The following PAN3 variants were observed in gnomAD, a reference collection of about 807,000 sequenced individuals.
PAN3 encodes the protein PAN2-PAN3 deadenylation complex subunit PAN3.
A neutral mutation model predicts 96.2 loss-of-function variants in PAN3; 19 were observed. The ratio of observed to expected loss-of-function variants is 0.20; its 90% CI spans 0.14 to 0.29. PAN3 has a LOEUF of 0.29. Among genes scored for constraint, PAN3 ranks in the 10% least tolerant of loss-of-function variants. The pLI is 1.00. For missense variants in PAN3, 882 were observed against 1,108.1 expected, an observed-to-expected ratio of 0.80 and a Z score of 2.90; for synonymous variants, 433 against 406.6, an observed-to-expected ratio of 1.06 and a Z score of -0.78.
At chr13:28,189,546 ACT>A (rs1566171021) in intron 4 of PAN3, among the ~76,000 whole-genome samples, 2 of 151,204 alleles carry the variant, frequency 1.3e-5, no homozygotes, top group African/African-American at 4.9e-5. Flanking sequence ...AAACAAAAAA[ACT>A]CTCAGTGTTA....
intron 9 of PAN3, among the ~76,000 whole-genome samples, chr13:28,263,855 T>C (rs1306378858): frequency 6.6e-6 from 1 of 152,164 alleles, no homozygotes; most frequent in Non-Finnish European, 1.5e-5. Context: ...TATTTAAAAT[T>C]TTTTTGTCAC....
At chr13:28,185,759 C>T (rs1202180951) in intron 4 of PAN3, among the ~76,000 whole-genome samples, 6 of 152,038 alleles carry the variant, frequency 3.9e-5, no homozygotes, top group Non-Finnish European at 8.8e-5. Context: ...ATTTTGAGTT[C>T]TTATACACAG....
At chr13:28,165,899 A>G (rs1431194041) in intron 1 of PAN3, among the ~76,000 whole-genome samples, 5 of 151,806 alleles carry the variant, frequency 3.3e-5, no homozygotes, top group Non-Finnish European at 5.9e-5. Flanking sequence ...GCATCATGGC[A>G]TGGTCCACCC....
chr13:28,254,643 T>C (rs1339948430), intron 6 of PAN3, among the ~76,000 whole-genome samples: 1 of 152,156 alleles, frequency 6.6e-6, no homozygotes, highest in Non-Finnish European at 1.5e-5. Context: ...TAAAAACAGC[T>C]CTGGAATAGT....
At chr13:28,167,924 A>G (rs555179964) in intron 1 of PAN3, among the ~76,000 whole-genome samples, 1 of 152,334 alleles carries the variant, frequency 6.6e-6, no homozygotes, top group African/African-American at 2.4e-5. Flanking sequence ...AGCATCCTCA[A>G]CACTTTGCTT....
At chr13:28,168,162 C>T (rs548473468) in intron 1 of PAN3, among the ~76,000 whole-genome samples, 1 of 152,312 alleles carries the variant, frequency 6.6e-6, no homozygotes, top group East Asian at 1.9e-4. Flanking sequence ...AATAGTTCTA[C>T]AGGTTGAGTA....
chr13:28,146,381 C>T (rs1333509234), intron 1 of PAN3, among the ~76,000 whole-genome samples: 2 of 151,350 alleles, frequency 1.3e-5, no homozygotes, highest in East Asian at 3.9e-4. Context: ...TTAACTTCCC[C>T]CTGCCCCTCC....
chr13:28,156,539 G>GA (rs1872186909), intron 1 of PAN3, among the ~76,000 whole-genome samples: 1 of 152,122 alleles, frequency 6.6e-6, no homozygotes, highest in South Asian at 2.1e-4. Flanking sequence ...AAGAGGAGGG[G>GA]ATTCCTCCTT....
intron 4 of PAN3, among the ~76,000 whole-genome samples, chr13:28,182,433 G>C (rs996460043): frequency 2.6e-5 from 4 of 151,652 alleles, no homozygotes; most frequent in Non-Finnish European, 5.9e-5. Flanking sequence ...TATTTCTTTG[G>C]TTTACTTTAG....
intron 8 of PAN3, among the ~76,000 whole-genome samples, chr13:28,261,133 G>A (rs374329798): frequency 1.3e-5 from 2 of 152,126 alleles, no homozygotes; most frequent in Admixed American, 6.5e-5. Flanking sequence ...CAGCCACAGC[G>A]TTAGTCACGT....
chr13:28,268,249 A>C (rs555074872), intron 12 of PAN3, among the ~76,000 whole-genome samples: 2 of 152,098 alleles, frequency 1.3e-5, no homozygotes, highest in Admixed American at 1.3e-4. Flanking sequence ...ATATCATATT[A>C]CATCTTTTCT....
chr13:28,183,023 GTTC>G (rs1876000354), intron 4 of PAN3, among the ~76,000 whole-genome samples: 1 of 152,152 alleles, frequency 6.6e-6, no homozygotes, highest in Non-Finnish European at 1.5e-5. Flanking sequence ...TTACGGTAGA[GTTC>G]TTCTATGGAA....
intron 1 of PAN3, among the ~76,000 whole-genome samples, chr13:28,170,231 A>G (rs1052716410): frequency 1.4e-4 from 21 of 152,196 alleles, no homozygotes; most frequent in African/African-American, 1.4e-4. Flanking sequence ...CAGTGTTAAT[A>G]TAGTGAAAAT....
In PAN3 at chr13:28,289,127, A is replaced by G. The variant is rs545023081; in HGVS notation, c.2523+1005A>G. 1.4e-4 allele frequency among the ~76,000 whole-genome samples: 22 copies of G among 152,154 alleles called. No individual in the cohort carries two copies. The South Asian group carries it at 3.3e-3, about 23-fold the overall frequency. The stretch of plus-strand genomic sequence containing the variant: ...AGGCATGAGCCACCGCACCCGGCCT[A>G]ACTCTAGGTTTTATAATCAAGTAGT... On this transcript the variant is annotated intron_variant, in intron 18 of 18. Coordinates refer to ENST00000380958, the MANE Select transcript of PAN3 (RefSeq NM_175854.8).
chr13:28,144,622 G>C (rs1211237595), intron 1 of PAN3, among the ~76,000 whole-genome samples: 1 of 151,988 alleles, frequency 6.6e-6, no homozygotes. Flanking sequence ...TGATGAGATC[G>C]GGCGTGTTCA....
chr13:28,203,761 CAG>C (rs1879023383), intron 5 of PAN3, among the ~76,000 whole-genome samples: 1 of 151,530 alleles, frequency 6.6e-6, no homozygotes, highest in African/African-American at 2.4e-5. Flanking sequence ...TACCTCTTGA[CAG>C]TGTTGTTTAG....
At position 28,138,873 on chromosome 13, in the gene PAN3, C is replaced by T. The variant is rs1253150494; in HGVS notation, c.216C>T (p.Ala72=). The T allele has an allele frequency of 1.4e-6, 2 of 1,422,698 alleles. No individual in the cohort carries two copies. The highest frequency in any genetic ancestry group is 1.6e-5 in the South Asian group (1 of 64,122). The allele number at this position is 1,422,698 out of a possible 1,614,324, so 88.1% of individuals were successfully genotyped here. Residue 72 remains alanine, a synonymous_variant, in exon 1 of 19, where the codon GCC becomes GCT. Transcript: ENST00000380958. ...EECQFLHEDP[A]AGAAPGLGLH... ...GTCAGTTCCTGCATGAGGACCCTGC[C>T]GCCGGGGCTGCCCCGGGCCTCGGCC... is the stretch of plus-strand genomic sequence containing the variant.
intron 17 of PAN3, among the ~76,000 whole-genome samples, chr13:28,282,795 C>T (rs1052011016): frequency 1.3e-5 from 2 of 152,122 alleles, no homozygotes; most frequent in Admixed American, 6.5e-5. Context: ...CACTTTAGAA[C>T]TGGAACTTCC....
chr13:28,174,341 T>C lies in PAN3; in HGVS notation c.500T>C (p.Ile167Thr), dbSNP rs1177330241. Reference protein sequence around the residue: ...LTDSYFSTSFIGVNGFGSPVE... With the variant: ...LTDSYFSTSFTGVNGFGSPVE... Reference sequence around the variant, plus strand: ...GATTCCTATTTTAGCACCAGCTTTATTGGAGTCAATGGATTTGGAAGCCCT... The same window carrying C: ...GATTCCTATTTTAGCACCAGCTTTACTGGAGTCAATGGATTTGGAAGCCCT... Residue 167 changes from isoleucine to threonine, a missense_variant, in exon 2 of 19, where the codon ATT (isoleucine) becomes ACT (threonine). Ile to Thr is a moderately conservative substitution (Grantham distance 89, BLOSUM62 -1). Transcript: ENST00000380958. The C allele has an allele frequency of 1.2e-6, 2 of 1,612,830 alleles. No individual in the cohort carries two copies. The highest frequency in any genetic ancestry group is 1.3e-5 in the African/African-American group (1 of 75,008).
Sources: allele counts gnomAD v4.1 joint callset (sites outside exome capture counted in the v4.1 genomes callset), GRCh38; gene constraint gnomAD v4.1.1; transcripts MANE v1.5; gene names NCBI Gene and HGNC (gene_info 2026-07-23, HGNC 2026-07-21).